Variants in NACC2 observed in about 807,000 individuals in gnomAD.
The protein encoded by NACC2 is NACC family member 2.
A neutral mutation model predicts 25.1 loss-of-function variants in NACC2; 8 were observed. The ratio of observed to expected loss-of-function variants is 0.32; its 90% confidence interval spans 0.19 to 0.57. NACC2 has a LOEUF of 0.57. Ranked by LOEUF, NACC2 falls within the 20% of genes least tolerant of loss-of-function variation. NACC2 has a pLI of 0.89. For missense variants in NACC2, 644 were observed against 650.2 expected (o/e 0.99, Z 0.10); for synonymous variants, 435 against 294.7 (o/e 1.48, Z -4.88).
chr9:136,042,959 C>T (rs1840666493), intron 2 of NACC2, among the ~76,000 whole-genome samples: 1 of 151,372 alleles, frequency 6.6e-6, no homozygotes, highest in South Asian at 2.1e-4. Context: ...CACACAGACA[C>T]ACAGAGACAC....
intron 1 of NACC2, among the ~76,000 whole-genome samples, chr9:136,067,863 G>A (rs1022330358): frequency 6.6e-6 from 1 of 152,182 alleles, no homozygotes; most frequent in African/African-American, 2.4e-5. Context: ...AAAGCCAGGT[G>A]GTACAGCCTA....
chr9:136,043,948 C>T (rs1431841064), intron 2 of NACC2, among the ~76,000 whole-genome samples: 1 of 152,160 alleles, frequency 6.6e-6, no homozygotes, highest in Non-Finnish European at 1.5e-5. Context: ...CCTCAGCCTC[C>T]AGAGTAGCTG....
intron 2 of NACC2, among the ~76,000 whole-genome samples, chr9:136,016,957 TTCTCCCAGCA>T (rs1204737888): frequency 6.6e-6 from 1 of 152,150 alleles, no homozygotes; most frequent in East Asian, 1.9e-4. Flanking sequence ...CCCCCAACTC[TTCTCCCAGCA>T]GCTCCCAGCA....
Position 136,013,219 on chromosome 9 carries a change from C to A in NACC2, c.1235G>T (p.Arg412Leu). ...CTTACATTTCACAGCGTTCAGGACC[C>A]GGCTGTCCAGCGGCTTCCGGCTGGG... Reference protein sequence around the residue: ...SDPSRKPLDSRVLNAVKLYCQ... With the variant: ...SDPSRKPLDSLVLNAVKLYCQ... Residue 412 changes from arginine (R) to leucine (L), a missense_variant, in exon 5 of 6, where the codon CGG becomes CTG. Coordinates refer to ENST00000277554, the MANE Select transcript of NACC2 (RefSeq NM_144653.5). This position sits in a 1 kb window ranked among gnomAD's most constrained non-coding sequence, Gnocchi z 6.6. 2 of 1,611,950 alleles carry A rather than the reference C, an allele frequency of 1.2e-6. No homozygotes were observed. The highest frequency in any genetic ancestry group is 1.7e-6 in the Non-Finnish European group (2 of 1,179,530).
chr9:136,029,625 CT>C (rs1840444266), intron 2 of NACC2, among the ~76,000 whole-genome samples: 1 of 152,224 alleles, frequency 6.6e-6, no homozygotes, highest in South Asian at 2.1e-4. Flanking sequence ...GTGACACCTT[CT>C]TTGGGGCTCT....
chr9:136,078,516 T>A (rs1830287908), intron 1 of NACC2, among the ~76,000 whole-genome samples: 1 of 152,188 alleles, frequency 6.6e-6, no homozygotes, highest in Non-Finnish European at 1.5e-5. Flanking sequence ...ATGAGAAAAC[T>A]GAGGCTTGGA....
At chr9:136,080,581 G>A (rs1830311798) in intron 1 of NACC2, among the ~76,000 whole-genome samples, 1 of 151,492 alleles carries the variant, frequency 6.6e-6, no homozygotes, top group African/African-American at 2.4e-5. Flanking sequence ...CCACTACCCT[G>A]CTCCAATAAA....
intron 2 of NACC2, among the ~76,000 whole-genome samples, chr9:136,032,013 C>G (rs1473066361): frequency 1.4e-5 from 2 of 144,252 alleles, no homozygotes; most frequent in Non-Finnish European, 3.0e-5. Flanking sequence ...TCGTCCTCGG[C>G]AGCACCCCTG....
chr9:136,092,198 G>A (rs2131194254), intron 1 of NACC2, among the ~76,000 whole-genome samples: 1 of 152,348 alleles, frequency 6.6e-6, no homozygotes, highest in Middle Eastern at 3.4e-3. Context: ...CCCAGAGAGG[G>A]TGCCAGGAAA....
intron 1 of NACC2, among the ~76,000 whole-genome samples, chr9:136,089,655 C>T (rs996739137): frequency 1.3e-5 from 2 of 151,994 alleles, no homozygotes; most frequent in East Asian, 3.9e-4. Flanking sequence ...CCTGGGTGAC[C>T]CCTGTCCCCA....
intron 1 of NACC2, among the ~76,000 whole-genome samples, chr9:136,051,744 C>A (rs930838289): frequency 1.3e-5 from 2 of 152,114 alleles, no homozygotes; most frequent in African/African-American, 4.8e-5. Context: ...TCAGCCGCTG[C>A]GGCCGCCGGC....
At chr9:136,026,017 T>C (rs1402652931) in intron 2 of NACC2, among the ~76,000 whole-genome samples, 1 of 152,014 alleles carries the variant, frequency 6.6e-6, no homozygotes, top group African/African-American at 2.4e-5. Context: ...GAAAATAATT[T>C]AATACAAAAT....
chr9:136,077,536 G>C (rs1015147915), intron 1 of NACC2, among the ~76,000 whole-genome samples: 1 of 152,196 alleles, frequency 6.6e-6, no homozygotes, highest in African/African-American at 2.4e-5. Flanking sequence ...TCAGCAAAGG[G>C]CGTGTGGTCA....
intron 5 of NACC2, among the ~76,000 whole-genome samples, chr9:136,012,315 C>T (rs1564215701): frequency 3.3e-5 from 5 of 152,374 alleles, no homozygotes; most frequent in Admixed American, 2.0e-4. Context: ...TTAATCTCTC[C>T]GGGCTTCCGT....
At position 136,019,919 on chromosome 9, in the gene NACC2, C is replaced by A. The variant is rs1027343560; in HGVS notation, c.887-3490G>T. 6.9e-6 allele frequency among the ~76,000 whole-genome samples: 1 copy of A among 143,938 alleles called. No homozygotes were observed. Among genetic ancestry groups the A allele is most frequent in the African/African-American group, 2.5e-5 (1 of 39,954 alleles). The allele number at this position is 143,938 out of a possible 152,430, so 94.4% of individuals were successfully genotyped here. ...CTGCCAGACACAGAAGGACACATCC[C>A]GGGGCTCCACTCGCAGGCGGCCCCC... On this transcript the variant is annotated intron_variant, in intron 2 of 5. Coordinates refer to ENST00000277554, the MANE Select transcript of NACC2 (RefSeq NM_144653.5). The surrounding 1 kb of genome is among the most constrained non-coding windows in gnomAD (Gnocchi z 5.2).
At chr9:136,043,215 C>T (rs1170428377) in intron 2 of NACC2, among the ~76,000 whole-genome samples, 1 of 152,256 alleles carries the variant, frequency 6.6e-6, no homozygotes, top group African/African-American at 2.4e-5. Flanking sequence ...AGAGAATGCC[C>T]GCAATACCCA....
At position 136,013,889 on chromosome 9, in the gene NACC2, T is replaced by C; in HGVS notation, c.1132A>G (p.Arg378Gly). ...AGVKHKVLLR[R>G]LLATFFDRNT... Reference sequence around the variant, plus strand: ...CTGTCAAAGAAGGTGGCCAGGAGCCTCCGCAGCAAGACCTTATGCTTCACC... The same window carrying C: ...CTGTCAAAGAAGGTGGCCAGGAGCCCCCGCAGCAAGACCTTATGCTTCACC... The change falls in exon 4 of 6, where the codon AGG (arginine) becomes GGG (glycine). Residue 378 changes from arginine (R) to glycine (G), a missense_variant. By Grantham distance (125) the Arg-to-Gly change is moderately radical. Coordinates refer to ENST00000277554, the MANE Select transcript of NACC2 (RefSeq NM_144653.5). This position sits in a 1 kb window ranked among gnomAD's most constrained non-coding sequence, Gnocchi z 6.6. 6.2e-7 allele frequency: 1 copy of C among 1,612,830 alleles called. No individual in the cohort carries two copies. Among genetic ancestry groups the C allele is most frequent in the Admixed American group, 1.7e-5 (1 of 60,008 alleles).
intron 1 of NACC2, among the ~76,000 whole-genome samples, chr9:136,089,895 G>A (rs2131192444): frequency 6.6e-6 from 1 of 151,664 alleles, no homozygotes; most frequent in Non-Finnish European, 1.5e-5. Flanking sequence ...AATGCCTAAA[G>A]GGTTTCAAAA....
rs568712555 is a variant in NACC2, at chr9:136,072,057, G to T, written c.-59-21477C>A. Among the ~76,000 whole-genome samples, 9 of 152,094 alleles carry T rather than the reference G, an allele frequency of 5.9e-5. No individual in the cohort carries two copies. The South Asian group carries it at 1.0e-3, about 18-fold the overall frequency. On this transcript the variant is annotated intron_variant, in intron 1 of 5. Transcript: ENST00000277554. ...GTTTGAGACCAGCCTGGCCAACATG[G>T]TGAAACCCCGTCTGTACTAGAAATA...
Sources: gnomAD v4.1 joint callset for allele counts (sites outside exome capture counted in the v4.1 genomes callset) on GRCh38, gnomAD v4.1.1 for gene constraint, Gnocchi (gnomAD v3.1) non-coding constraint, MANE v1.5 for transcripts, NCBI Gene and HGNC (gene_info 2026-07-23, HGNC 2026-07-21) for gene names.